Variants in RGS6 observed in about 807,000 individuals in gnomAD.
RGS6 encodes regulator of G-protein signaling 6.
A neutral mutation model predicts 78.5 loss-of-function variants in RGS6; 30 were observed. The observed-to-expected ratio is 0.38, with a 90% confidence interval of 0.29 to 0.52. RGS6 has a LOEUF of 0.52. Ranked by LOEUF, RGS6 falls within the 20% of genes least tolerant of loss-of-function variation. RGS6 has a pLI of 0.85. For missense variants in RGS6, 495 were observed against 609.7 expected, an observed-to-expected ratio of 0.81 and a Z score of 1.98; for synonymous variants, 206 against 206.0, an observed-to-expected ratio of 1.00 and a Z score of 0.00.
intron 2 of RGS6, among the ~76,000 whole-genome samples, chr14:72,260,236 C>A (rs1309919986): frequency 1.3e-5 from 2 of 152,074 alleles, no homozygotes; most frequent in East Asian, 3.9e-4. Flanking sequence ...TTGTCAAGGT[C>A]CACTTTGGCT....
intron 17 of RGS6, among the ~76,000 whole-genome samples, chr14:72,548,347 G>C (rs1214047158): frequency 1.5e-5 from 2 of 134,236 alleles, no homozygotes; most frequent in Admixed American, 1.5e-4. Context: ...GTGTGTGCGC[G>C]CGTGTGTGTG....
intron 2 of RGS6, among the ~76,000 whole-genome samples, chr14:72,167,476 C>T (rs2096943768): frequency 1.3e-5 from 2 of 152,210 alleles, no homozygotes; most frequent in Admixed American, 1.3e-4. Context: ...AGCACGTAAA[C>T]ACCAAGAGAT....
At chr14:71,964,957 T>C in intron 2 of RGS6, 82 bp downstream of exon 2, 2 of 1,012,156 alleles carry the variant, frequency 2.0e-6, no homozygotes, top group Non-Finnish European at 2.8e-6. Context: ...AGACAAATGT[T>C]TTCTGCCTAA....
At chr14:72,390,097 T>TTC (rs1211872097) in intron 3 of RGS6, among the ~76,000 whole-genome samples, 7 of 149,126 alleles carry the variant, frequency 4.7e-5, no homozygotes, top group Non-Finnish European at 7.5e-5. Flanking sequence ...GTTCTTTTTT[T>TTC]TTTTTTTTTT....
At chr14:72,190,528 C>G (rs776869924) in intron 2 of RGS6, among the ~76,000 whole-genome samples, 1 of 152,174 alleles carries the variant, frequency 6.6e-6, no homozygotes, top group Non-Finnish European at 1.5e-5. Flanking sequence ...AGGCCCTTCA[C>G]GGGCAGTGGA....
At chr14:72,454,979 G>A (rs1051867453) in intron 4 of RGS6, among the ~76,000 whole-genome samples, 3 of 152,174 alleles carry the variant, frequency 2.0e-5, no homozygotes, top group African/African-American at 7.2e-5. Flanking sequence ...TCTGTTTTCT[G>A]CTTCTGCAAG....
At chr14:71,967,466 A>G (rs543287736) in intron 2 of RGS6, among the ~76,000 whole-genome samples, 1 of 152,332 alleles carries the variant, frequency 6.6e-6, no homozygotes, top group South Asian at 2.1e-4. Context: ...TCCTCAAGGT[A>G]TCATCAGTAA....
intron 3 of RGS6, among the ~76,000 whole-genome samples, chr14:72,410,113 G>T (rs997349716): frequency 2.0e-5 from 3 of 152,170 alleles, no homozygotes; most frequent in African/African-American, 7.2e-5. Flanking sequence ...GGTATTTCTA[G>T]TTCTACATCC....
At chr14:72,281,543 T>A (rs2061584886) in intron 2 of RGS6, among the ~76,000 whole-genome samples, 1 of 151,762 alleles carries the variant, frequency 6.6e-6, no homozygotes, top group African/African-American at 2.4e-5. Flanking sequence ...ACTAGAGGAA[T>A]ACATGCAATA....
chr14:72,076,946 C>A, intron 2 of RGS6, among the ~76,000 whole-genome samples: 1 of 137,914 alleles, frequency 7.3e-6, no homozygotes, highest in Non-Finnish European at 1.6e-5. Flanking sequence ...CATATACAGC[C>A]AAATTTTATA....
chr14:72,197,031 C>T (rs1181760360), intron 2 of RGS6, among the ~76,000 whole-genome samples: 2 of 152,160 alleles, frequency 1.3e-5, no homozygotes, highest in Non-Finnish European at 2.9e-5. Flanking sequence ...CAGAATCCCC[C>T]TCAGCCCTCC....
At chr14:72,547,420 A>G in intron 17 of RGS6, 9 of 1,093,668 alleles carry the variant, frequency 8.2e-6, no homozygotes, top group Non-Finnish European at 1.2e-5. Context: ...CTCCTGGTGG[A>G]AACAACAGGG....
chr14:71,910,716 A>T, the RGS6 span, among the ~76,000 whole-genome samples: 6 of 152,176 alleles, frequency 3.9e-5, no homozygotes, highest in Non-Finnish European at 8.8e-5. Context: ...GAAGGAGGTG[A>T]CTTCGTGGGT....
the RGS6 span, among the ~76,000 whole-genome samples, chr14:71,879,683 C>A: frequency 6.6e-6 from 1 of 152,120 alleles, no homozygotes; most frequent in African/African-American, 2.4e-5. Context: ...GTGCCTTTCG[C>A]CTTCTACTAT....
rs113877935 is a variant in RGS6 at position 72,526,385 on chromosome 14, A to G, written c.1278+7848A>G. 7.2e-4 allele frequency among the ~76,000 whole-genome samples: 110 copies of G among 152,308 alleles called. 3 individuals carry two copies. Among genetic ancestry groups the G allele is most frequent in the Middle Eastern group, 6.8e-3 (2 of 294 alleles). On this transcript the variant is annotated intron_variant, in intron 15 of 17. Transcript: ENST00000553525. ...CTCCCAGAGTGCTGGGATTACAGGC[A>G]TGAGCCACTGCGCCTGGCCAGGAAA... is the stretch of plus-strand genomic sequence containing the variant.
intron 2 of RGS6, among the ~76,000 whole-genome samples, chr14:72,157,606 G>GC (rs2096790825): frequency 6.6e-6 from 1 of 152,156 alleles, no homozygotes; most frequent in South Asian, 2.1e-4. Flanking sequence ...ATATTTTCAG[G>GC]ACCACTTGGA....
intron 2 of RGS6, among the ~76,000 whole-genome samples, chr14:72,232,695 G>C (rs2049963777): frequency 6.6e-6 from 1 of 152,212 alleles, no homozygotes; most frequent in Admixed American, 6.5e-5. Context: ...AAAGGGGTAG[G>C]AATGCTGGGG....
chr14:71,972,967 C>G (rs1027257319), intron 2 of RGS6, among the ~76,000 whole-genome samples: 2 of 152,192 alleles, frequency 1.3e-5, no homozygotes, highest in African/African-American at 4.8e-5. Flanking sequence ...CTGCCCCTCT[C>G]TTCCCTGTAT....
chr14:72,454,285 A>G (rs574738367), intron 3 of RGS6, among the ~76,000 whole-genome samples: 15 of 152,308 alleles, frequency 9.8e-5, no homozygotes, highest in East Asian at 1.9e-4. Context: ...CTTCCTAGAA[A>G]CATGAATATA....
Sources: gnomAD v4.1 joint callset for allele counts (sites outside exome capture counted in the v4.1 genomes callset) on GRCh38, gnomAD v4.1.1 for gene constraint, MANE v1.5 for transcripts, NCBI Gene and HGNC (gene_info 2026-07-23, HGNC 2026-07-21) for gene names.